The following KCNMA1 variants were observed in gnomAD, a reference collection of about 807,000 sequenced individuals.
The protein encoded by KCNMA1 is Calcium-activated potassium channel subunit alpha-1.
A neutral mutation model predicts 140.0 loss-of-function variants in KCNMA1; 29 were observed. The observed-to-expected ratio is 0.21, with a 90% CI of 0.15 to 0.28. KCNMA1 has a LOEUF of 0.28. KCNMA1 is among the 10% of genes least tolerant of loss of function. The pLI, the probability that KCNMA1 is intolerant of heterozygous loss-of-function variation, is 1.00. For synonymous variants in KCNMA1, 612 were observed against 611.9 expected (o/e 1.00, Z 0.00); for missense variants, 880 against 1,602.2 (o/e 0.55, Z 7.70).
intron 1 of KCNMA1, among the ~76,000 whole-genome samples, chr10:77,495,764 G>T (rs1415658005): frequency 6.6e-6 from 1 of 152,296 alleles, no homozygotes; most frequent in African/African-American, 2.4e-5. Context: ...AGCCCAAGGG[G>T]TGGGCAAAAG....
intron 10 of KCNMA1, 88 bp downstream of exon 10, chr10:77,090,312 C>T (rs150050847): frequency 2.1e-6 from 2 of 944,356 alleles, no homozygotes; most frequent in Non-Finnish European, 3.5e-6. Flanking sequence ...TGCCATTCCC[C>T]AAGACCTCCA....
chr10:76,892,189 G>T (rs1365691247), intron 25 of KCNMA1, among the ~76,000 whole-genome samples: 1 of 152,138 alleles, frequency 6.6e-6, no homozygotes, highest in Non-Finnish European at 1.5e-5. Flanking sequence ...TTTCATTAAT[G>T]CCACACGCTT....
At chr10:77,086,036 GT>G in intron 11 of KCNMA1, among the ~76,000 whole-genome samples, 2 of 152,168 alleles carry the variant, frequency 1.3e-5, no homozygotes, top group South Asian at 4.2e-4. Flanking sequence ...AAGCTCAAAT[GT>G]TTTATCGCTT....
chr10:77,543,300 C>A (rs1053051046), intron 1 of KCNMA1, among the ~76,000 whole-genome samples: 3 of 152,176 alleles, frequency 2.0e-5, no homozygotes, highest in African/African-American at 7.2e-5. Flanking sequence ...CATCAGAAAG[C>A]ATCTCAAACT....
chr10:77,375,146 T>C (rs992893299), intron 2 of KCNMA1, among the ~76,000 whole-genome samples: 10 of 152,158 alleles, frequency 6.6e-5, no homozygotes, highest in Non-Finnish European at 1.0e-4. Context: ...CATGGAGCTG[T>C]GGCACCATTG....
intron 2 of KCNMA1, among the ~76,000 whole-genome samples, chr10:77,260,398 A>G (rs943634248): frequency 6.6e-6 from 1 of 152,162 alleles, no homozygotes; most frequent in Non-Finnish European, 1.5e-5. Context: ...GAAGGGCCAG[A>G]GTGTCCAGCA....
intron 1 of KCNMA1, among the ~76,000 whole-genome samples, chr10:77,471,769 A>G (rs970865406): frequency 1.3e-4 from 19 of 151,798 alleles, no homozygotes; most frequent in African/African-American, 4.6e-4. Context: ...ATCCACGTAC[A>G]TACCACACAT....
intron 3 of KCNMA1, among the ~76,000 whole-genome samples, chr10:77,209,079 G>A (rs544267180): frequency 3.3e-4 from 50 of 152,198 alleles, no homozygotes; most frequent in South Asian, 8.3e-4. Context: ...GCACATTCCC[G>A]CCTCCACAGA....
chr10:77,570,358 C>G (rs886822891), intron 1 of KCNMA1, among the ~76,000 whole-genome samples: 1 of 146,698 alleles, frequency 6.8e-6, no homozygotes, highest in South Asian at 2.2e-4. Flanking sequence ...CAATGATAGA[C>G]TGGATTAAGA....
intron 24 of KCNMA1, chr10:76,914,350 T>C: frequency 1.8e-6 from 1 of 564,284 alleles, no homozygotes; most frequent in Non-Finnish European, 3.1e-6. Context: ...AGAAGTTAGA[T>C]TCTATTGTCC....
chr10:77,313,673 G>A (rs763017422), intron 2 of KCNMA1, among the ~76,000 whole-genome samples: 1 of 152,178 alleles, frequency 6.6e-6, no homozygotes, highest in Non-Finnish European at 1.5e-5. Context: ...GAGAACAGGG[G>A]CTGTGTCTTA....
chr10:77,583,368 TAG>T (rs1013776559), intron 1 of KCNMA1, among the ~76,000 whole-genome samples: 3 of 152,154 alleles, frequency 2.0e-5, no homozygotes, highest in African/African-American at 7.2e-5. Flanking sequence ...TCCTGACAAA[TAG>T]AGACTTGATA....
chr10:76,873,691 G>T (rs1366019635), downstream of KCNMA1: 2 of 152,172 alleles, frequency 1.3e-5, no homozygotes. Flanking sequence ...TAGGAGTCAA[G>T]CCGGCTCACA....
In KCNMA1 at chr10:77,139,414, C is replaced by G. The variant is rs148561931; in HGVS notation, c.809-18366G>C. Among the ~76,000 whole-genome samples, 58 of 152,286 alleles carry G rather than the reference C, an allele frequency of 3.8e-4. No individual in the cohort carries two copies. In the East Asian group the frequency reaches 0.011, roughly 28 times the overall value. ...ACACAGAAGCATGAATATTTAGATT[C>G]CAGGCATTTCAGCTGACAGAAACAT... is the stretch of plus-strand genomic sequence containing the variant. On this transcript the variant is annotated intron_variant, in intron 5 of 27. Transcript: ENST00000286628.
At chr10:77,303,334 T>A (rs1158130528) in intron 2 of KCNMA1, among the ~76,000 whole-genome samples, 1 of 152,100 alleles carries the variant, frequency 6.6e-6, no homozygotes, top group African/African-American at 2.4e-5. Context: ...TTATGCATTA[T>A]CTCATAAAGG....
intron 1 of KCNMA1, among the ~76,000 whole-genome samples, chr10:77,619,339 TCTC>T (rs375025087): frequency 0.56 from 83,603 of 149,268 alleles, 24,713 homozygotes; most frequent in African/African-American, 0.77. Context: ...TCTCTCTCTC[TCTC>T]TCTCGTATGC....
chr10:76,972,255 G>T (rs1030660354), intron 19 of KCNMA1, among the ~76,000 whole-genome samples: 2 of 152,086 alleles, frequency 1.3e-5, no homozygotes, highest in African/African-American at 4.8e-5. Context: ...GACTTCTTAA[G>T]GTTATAATCC....
At chr10:77,042,354 TGAAGAAAGCCTAA>T (rs2094772882) in intron 14 of KCNMA1, among the ~76,000 whole-genome samples, 1 of 152,210 alleles carries the variant, frequency 6.6e-6, no homozygotes, top group Non-Finnish European at 1.5e-5. Flanking sequence ...CTAACTAATT[TGAAGAAAGCCTAA>T]TCTGCCTTAG....
At chr10:77,265,834 A>C (rs1362992948) in intron 2 of KCNMA1, among the ~76,000 whole-genome samples, 2 of 152,214 alleles carry the variant, frequency 1.3e-5, no homozygotes, top group African/African-American at 4.8e-5. Context: ...TAATCCCAGC[A>C]CTTTGGGAGG....
Sources: allele counts gnomAD v4.1 joint callset (sites outside exome capture counted in the v4.1 genomes callset), GRCh38; gene constraint gnomAD v4.1.1; transcripts MANE v1.5; gene names NCBI Gene and HGNC (gene_info 2026-07-23, HGNC 2026-07-21).